Variants in ZNF57 observed in about 807,000 individuals in gnomAD.
ZNF57 encodes the protein zinc finger protein 424.
In ZNF57, 11 loss-of-function variants were observed where a neutral mutation model predicts 13.4. The ratio of observed to expected loss-of-function variants is 0.82; its 90% CI spans 0.52 to 1.36. ZNF57 has a LOEUF of 1.36. Ranked by LOEUF, ZNF57 falls within the 40% of genes most tolerant of loss-of-function variation. The pLI, the probability that ZNF57 is intolerant of heterozygous loss-of-function variation, is 0.00. For synonymous variants in ZNF57, 224 were observed against 238.5 expected, an observed-to-expected ratio of 0.94 and a Z score of 0.56; for missense variants, 696 against 667.5, an observed-to-expected ratio of 1.04 and a Z score of -0.47.
intron 1 of ZNF57, among the ~76,000 whole-genome samples, chr19:2,907,310 T>C (rs1046714449): frequency 6.6e-6 from 1 of 152,114 alleles, no homozygotes; most frequent in Non-Finnish European, 1.5e-5. Context: ...TGGTGGGGAC[T>C]TGAGTCTAGT....
chr19:2,915,595 G>A lies in ZNF57; in HGVS notation c.77G>A (p.Arg26Lys). The A allele has an allele frequency of 6.2e-7, 1 of 1,614,038 alleles. No individual in the cohort carries two copies. The highest frequency in any genetic ancestry group is 8.5e-7 in the Non-Finnish European group (1 of 1,179,926). The change falls in exon 2 of 4, where the codon AGG becomes AAG. Residue 26 changes from arginine to lysine, a missense_variant. This residue lies in a region of ZNF57 where 43 missense variants were observed against 53.5 expected (regional missense o/e 0.80). Transcript: ENST00000306908. ...EEWALLDSAQ[R>K]DLYRDVMLET... is the part of the protein sequence containing the mutation. ...TGGGCTTTGCTGGATTCTGCTCAGA[G>A]GGACCTCTACAGAGATGTGATGCTG...
chr19:2,915,468 C>T lies in ZNF57; in HGVS notation c.4-54C>T, dbSNP rs902293687. ...TGAATTTATGAATTGAGTCCAGTTC[C>T]CCAGTACTTTCAGTGTCTCCAATCC... On this transcript the variant is annotated intron_variant, in intron 1 of 3. Coordinates refer to ENST00000306908, the MANE Select transcript of ZNF57 (RefSeq NM_173480.3). The T allele has an allele frequency of 5.0e-6, 8 of 1,591,674 alleles. No homozygotes were observed. In the Admixed American group the frequency reaches 1.2e-4, roughly 24 times the overall value.
chr19:2,906,056 G>T (rs1454338442), intron 1 of ZNF57, among the ~76,000 whole-genome samples: 1 of 152,078 alleles, frequency 6.6e-6, no homozygotes, highest in Admixed American at 6.6e-5. Flanking sequence ...CATGATGATT[G>T]TTTTATATCC....
At position 2,917,237 on chromosome 19, in the gene ZNF57, C is replaced by T; in HGVS notation, c.616C>T (p.Gln206Ter). ...YKCQACGQTF[Q>*]HPRYLSHHVK... ...GTGTCAAGCATGTGGGCAAACTTTC[C>T]AACATCCTCGTTACCTCTCCCACCA... Residue 206 changes from glutamine to a stop codon, truncating the protein, a stop_gained, in exon 4 of 4, where the codon CAA (glutamine) becomes TAA (stop). Coordinates refer to ENST00000306908, the MANE Select transcript of ZNF57 (RefSeq NM_173480.3). LOFTEE classifies it low-confidence loss of function (END_TRUNC). The T allele has an allele frequency of 6.2e-7, 1 of 1,614,188 alleles. No individual in the cohort carries two copies. The highest frequency in any genetic ancestry group is 1.1e-5 in the South Asian group (1 of 91,086).
intron 1 of ZNF57, among the ~76,000 whole-genome samples, chr19:2,901,905 C>G (rs773729819): frequency 2.1e-4 from 32 of 152,040 alleles, no homozygotes; most frequent in Non-Finnish European, 3.2e-4. Flanking sequence ...AGTACATTCT[C>G]AAGGGCGGCG....
rs1188641497 is a variant in ZNF57, at chr19:2,917,456, C to G, written c.835C>G (p.Pro279Ala). The G allele has an allele frequency of 2.5e-6, 4 of 1,614,052 alleles. No individual in the cohort carries two copies. The highest frequency in any genetic ancestry group is 3.4e-6 in the Non-Finnish European group (4 of 1,180,042). Residue 279 changes from proline to alanine, a missense_variant, in exon 4 of 4, where the codon CCC (proline) becomes GCC (alanine). By Grantham distance (27) the Pro-to-Ala change is conservative. This residue lies in a region of ZNF57 where 645 missense variants were observed against 591.5 expected (regional missense o/e 1.09). Coordinates refer to ENST00000306908, the MANE Select transcript of ZNF57 (RefSeq NM_173480.3). ...RHMTTHTGEK[P>A]YKCQHCGKAF... ...CATGACAACACACACTGGAGAGAAG[C>G]CCTATAAATGTCAGCACTGTGGGAA...
chr19:2,908,505 G>A (rs2088097223), intron 1 of ZNF57, among the ~76,000 whole-genome samples: 1 of 130,358 alleles, frequency 7.7e-6, no homozygotes, highest in East Asian at 2.2e-4. Context: ...CTGTCGCCCA[G>A]GCTGGAGTGC....
At position 2,917,019 on chromosome 19, in the gene ZNF57, T is replaced by C. The variant is rs1599605063; in HGVS notation, c.398T>C (p.Val133Ala). The C allele has an allele frequency of 6.2e-7, 1 of 1,614,132 alleles. No homozygotes were observed. Residue 133 changes from valine to alanine, a missense_variant, in exon 4 of 4, where the codon GTT becomes GCT. Val to Ala is a moderately conservative substitution (Grantham distance 64). Transcript: ENST00000306908. ...QMPDLTLHKK[V>A]SAGEKPYECT... ...CCAGATCTTACCCTGCACAAGAAAG[T>C]TTCTGCTGGAGAAAAACCATATGAA... is the stretch of plus-strand genomic sequence containing the variant.
At chr19:2,915,393 T>C (rs1320874749) in intron 1 of ZNF57, 129 bp from the exon 2 acceptor site, 1 of 1,252,446 alleles carries the variant, frequency 8.0e-7, no homozygotes, top group Non-Finnish European at 1.1e-6. Context: ...AAGTAAAAGA[T>C]CTAACATTCG....
chr19:2,902,969 G>A (rs896431289), intron 1 of ZNF57, among the ~76,000 whole-genome samples: 1 of 152,194 alleles, frequency 6.6e-6, no homozygotes, highest in African/African-American at 2.4e-5. Context: ...GACTCCAGCT[G>A]AGCCCACAGT....
chr19:2,905,830 T>C (rs533479517), intron 1 of ZNF57, among the ~76,000 whole-genome samples: 2 of 151,732 alleles, frequency 1.3e-5, no homozygotes, highest in Non-Finnish European at 2.9e-5. Flanking sequence ...TTCTTAGACA[T>C]TTGCCTTTCA....
At chr19:2,915,476 T>A (rs747285918) in intron 1 of ZNF57, 46 bp from the exon 2 acceptor site, 1 of 1,598,256 alleles carries the variant, frequency 6.3e-7, no homozygotes, top group Non-Finnish European at 8.5e-7. Flanking sequence ...TCCCCAGTAC[T>A]TTCAGTGTCT....
intron 1 of ZNF57, among the ~76,000 whole-genome samples, chr19:2,908,537 C>A (rs547063881): frequency 6.8e-6 from 1 of 147,128 alleles, no homozygotes; most frequent in Admixed American, 6.8e-5. Flanking sequence ...CTCGAAGCTC[C>A]GCCTCCCCAG....
rs1199970612 is a variant in ZNF57, at chr19:2,917,943, T to A, written c.1322T>A (p.Ile441Asn). 1 of 1,613,480 alleles carries A rather than the reference T, an allele frequency of 6.2e-7. No homozygotes were observed. Among genetic ancestry groups the A allele is most frequent in the South Asian group, 1.1e-5 (1 of 91,024 alleles). Residue 441 changes from isoleucine to asparagine, a missense_variant, in exon 4 of 4, where the codon ATT (isoleucine) becomes AAT (asparagine). Physicochemically the swap from Ile to Asn is moderately radical, Grantham distance 149. Coordinates refer to ENST00000306908, the MANE Select transcript of ZNF57 (RefSeq NM_173480.3). ...TCAACGTTTAGAGAACATGTGAGAA[T>A]TCACACGCAAGAGCAGCTCCATAAA... The part of the protein sequence containing the change: ...WSSTFREHVR[I>N]HTQEQLHKCE...
chr19:2,916,197 T>C lies in ZNF57; in HGVS notation c.250T>C (p.Leu84=), dbSNP rs1162418267. ...AGGAAATAATTCCTGTGCCTACACT[T>C]TAGAAAAAAATTGTGAAGGCTATGG... is the stretch of plus-strand genomic sequence containing the variant. ...FTGNNSCAYT[L]EKNCEGYGTE... The change falls in exon 3 of 4, where the codon TTA becomes CTA. Residue 84 remains leucine (L), a synonymous_variant. Transcript: ENST00000306908. The C allele has an allele frequency of 6.2e-7, 1 of 1,613,126 alleles. No homozygotes were observed. Among genetic ancestry groups the C allele is most frequent in the Non-Finnish European group, 8.5e-7 (1 of 1,179,726 alleles).
chr19:2,903,241 A>AC (rs2144917291), intron 1 of ZNF57, among the ~76,000 whole-genome samples: 1 of 151,994 alleles, frequency 6.6e-6, no homozygotes, highest in Non-Finnish European at 1.5e-5. Context: ...TTTTTTGGAG[A>AC]CACTGTGTCT....
At chr19:2,908,633 G>A (rs910018606) in intron 1 of ZNF57, among the ~76,000 whole-genome samples, 3 of 151,738 alleles carry the variant, frequency 2.0e-5, no homozygotes, top group Non-Finnish European at 2.9e-5. Context: ...TCGACCTCCT[G>A]ACCTCGTGAT....
intron 2 of ZNF57, 196 bp from the exon 3 acceptor site, chr19:2,915,882 A>G: frequency 2.2e-6 from 2 of 912,196 alleles, no homozygotes; most frequent in Admixed American, 2.3e-5. Context: ...AGGGGTATAG[A>G]TTTCACTGGT....
rs190028658 is a variant in ZNF57 at position 2,909,272 on chromosome 19, T to G, written c.4-6250T>G. Among the ~76,000 whole-genome samples, 350 of 127,050 alleles carry G rather than the reference T, an allele frequency of 2.8e-3. 1 individual carries two copies. Among genetic ancestry groups the G allele is most frequent in the Non-Finnish European group, 4.5e-3 (264 of 58,478 alleles). 83.3% of individuals were successfully genotyped at this position (127,050 alleles called of 152,430 possible). A position where few individuals can be genotyped will look rare whatever the true frequency, so the allele number is the denominator to read the frequency against. On this transcript the variant is annotated intron_variant, in intron 1 of 3. Coordinates refer to ENST00000306908, the MANE Select transcript of ZNF57 (RefSeq NM_173480.3). ...TTTCCTTATAATAGATTTTATTTTATTTATTTTTGTTTTTTTTTTTTTTTT... is the reference window on the plus strand; with the variant it reads ...TTTCCTTATAATAGATTTTATTTTAGTTATTTTTGTTTTTTTTTTTTTTTT...
Sources: gnomAD v4.1 joint callset for allele counts (sites outside exome capture counted in the v4.1 genomes callset) on GRCh38, gnomAD v4.1.1 for gene constraint, gnomAD v4.1.1 regional missense constraint, MANE v1.5 for transcripts, NCBI Gene and HGNC (gene_info 2026-07-23, HGNC 2026-07-21) for gene names.